The following DNAJC21 variants were observed in gnomAD, a reference collection of about 807,000 sequenced individuals.
The protein encoded by DNAJC21 is DnaJ heat shock protein family (Hsp40) member C21, also known as dnaJ homolog subfamily C member 21.
A neutral mutation model predicts 72.4 loss-of-function variants in DNAJC21; 63 were observed. The ratio of observed to expected loss-of-function variants is 0.87; its 90% confidence interval spans 0.71 to 1.07. The LOEUF is 1.07. DNAJC21 is among the 50% of genes least tolerant of loss of function. The pLI is 0.00. For synonymous variants in DNAJC21, 203 were observed against 216.7 expected (o/e 0.94, Z 0.56); for missense variants, 634 against 644.8 (o/e 0.98, Z 0.18).
In DNAJC21 at chr5:34,929,560, T is replaced by C. The variant is rs923545099; in HGVS notation, c.-260T>C. ...CGGCACAGAGCCCACCCCTAGCCCA[T>C]GCGAAGCGGCGGCCGCCGGCACCGC... is the stretch of plus-strand genomic sequence containing the variant. On this transcript the variant is annotated 5_prime_UTR_variant, in exon 1 of 12. The change abolishes an upstream ATG in the 5' untranslated region. Transcript: ENST00000648817. The C allele has an allele frequency of 4.1e-5, 6 of 147,968 alleles. No homozygotes were observed. Among genetic ancestry groups the C allele is most frequent in the African/African-American group, 1.0e-4 (4 of 39,704 alleles). 9.2% of individuals were successfully genotyped at this position (147,968 alleles called of 1,614,324 possible). A position where few individuals can be genotyped will look rare whatever the true frequency, so the allele number is the denominator to read the frequency against.
intron 9 of DNAJC21, among the ~76,000 whole-genome samples, chr5:34,948,602 C>T (rs541795860): frequency 1.1e-4 from 17 of 152,338 alleles, no homozygotes; most frequent in South Asian, 8.3e-4. Context: ...TGCGGTGGCT[C>T]ACGCCTGTAA....
chr5:34,930,243 T>A (rs1580519117), intron 1 of DNAJC21: 1 of 181,552 alleles, frequency 5.5e-6, no homozygotes, highest in Non-Finnish European at 1.1e-5. Context: ...AGTCGGGAAC[T>A]CGGAACTCAG....
At chr5:34,936,362 A>G in intron 4 of DNAJC21, 96 bp downstream of exon 4, 1 of 1,427,718 alleles carries the variant, frequency 7.0e-7, no homozygotes, top group Non-Finnish European at 9.5e-7. Flanking sequence ...TCTGTCACCC[A>G]GGCTGCAGTG....
Position 34,938,919 on chromosome 5 carries a change from C to T in DNAJC21, c.805C>T (p.Gln269Ter). The T allele has an allele frequency of 1.2e-6, 2 of 1,614,056 alleles. No homozygotes were observed. Among genetic ancestry groups the T allele is most frequent in the Non-Finnish European group, 1.7e-6 (2 of 1,180,020 alleles). ...TATGGCCAATTTGGAGAAAGAGCTCCAGGAGATGGAGGCACGGTACGAGAA... is the reference window on the plus strand; with the variant it reads ...TATGGCCAATTTGGAGAAAGAGCTCTAGGAGATGGAGGCACGGTACGAGAA... ...MTMANLEKEL[Q>*]EMEARYEKEF... Residue 269 changes from glutamine to a stop codon, truncating the protein, a stop_gained, in exon 6 of 12, where the codon CAG (glutamine) becomes TAG (stop). Coordinates refer to ENST00000648817, the MANE Select transcript of DNAJC21 (RefSeq NM_001012339.3). LOFTEE classifies it high-confidence loss of function.
intron 2 of DNAJC21, 22 bp downstream of exon 2, chr5:34,933,930 C>G: frequency 6.2e-7 from 1 of 1,603,892 alleles, no homozygotes; most frequent in African/African-American, 1.3e-5. Flanking sequence ...GCTGTCCTTC[C>G]CATCCTAGTT....
intron 2 of DNAJC21, among the ~76,000 whole-genome samples, chr5:34,935,248 T>A (rs1764730831): frequency 1.3e-5 from 2 of 152,220 alleles, no homozygotes; most frequent in African/African-American, 4.8e-5. Flanking sequence ...TAACTGCCTT[T>A]ACAGAGTTAT....
At chr5:34,951,488 C>A in intron 10 of DNAJC21, 1 of 985,380 alleles carries the variant, frequency 1.0e-6, no homozygotes, top group Non-Finnish European at 1.2e-6. Context: ...GCCCCTGAAC[C>A]CCTTTTTCAT....
intron 6 of DNAJC21, 152 bp downstream of exon 6, chr5:34,939,161 T>A: frequency 1.4e-6 from 1 of 697,518 alleles, no homozygotes; most frequent in Non-Finnish European, 2.3e-6. Flanking sequence ...CTAGTCTAAT[T>A]CAAGTAATTT....
At chr5:34,930,105 G>A in intron 1 of DNAJC21, 189 bp downstream of exon 1, 4 of 414,960 alleles carry the variant, frequency 9.6e-6, no homozygotes, top group Non-Finnish European at 1.8e-5. Context: ...CTGCCCTGGC[G>A]CACCCCGGCT....
chr5:34,939,638 A>G (rs1764919994), intron 6 of DNAJC21, among the ~76,000 whole-genome samples: 1 of 152,200 alleles, frequency 6.6e-6, no homozygotes, highest in Admixed American at 6.5e-5. Context: ...AGAAAAGCTG[A>G]TATTGCATGA....
chr5:34,936,135 G>A lies in DNAJC21; in HGVS notation c.316-9G>A. On this transcript the variant is annotated splice_polypyrimidine_tract_variant and intron_variant, in intron 3 of 11. Transcript: ENST00000648817. ...GTATTAAGAATTTGTTTTTGTTACT[G>A]TTTTTTAGGGATTTTACACGGTGTA... The A allele has an allele frequency of 6.2e-7, 1 of 1,602,042 alleles. No individual in the cohort carries two copies. Among genetic ancestry groups the A allele is most frequent in the Non-Finnish European group, 8.5e-7 (1 of 1,176,684 alleles).
At chr5:34,952,117 T>A (rs1400345627) in intron 10 of DNAJC21, 5 of 968,694 alleles carry the variant, frequency 5.2e-6, no homozygotes, top group Admixed American at 6.9e-5. Flanking sequence ...AGTGTTTTTT[T>A]AAAAAATGTG....
chr5:34,949,510 G>C, intron 9 of DNAJC21: 2 of 1,551,608 alleles, frequency 1.3e-6, no homozygotes, highest in Non-Finnish European at 1.7e-6. Context: ...TCTTGAGTGT[G>C]AGTATTGTGC....
At chr5:34,934,155 A>T (rs558984613) in intron 2 of DNAJC21, among the ~76,000 whole-genome samples, 2 of 152,276 alleles carry the variant, frequency 1.3e-5, no homozygotes, top group South Asian at 4.1e-4. Flanking sequence ...TAATTTTGAT[A>T]CTTTAGGTGA....
intron 9 of DNAJC21, among the ~76,000 whole-genome samples, chr5:34,946,645 T>G (rs1407026358): frequency 6.6e-6 from 1 of 152,162 alleles, no homozygotes; most frequent in Non-Finnish European, 1.5e-5. Context: ...GCTTCAGTTA[T>G]AAAACCGCAT....
chr5:34,930,110 C>A (rs1015983337), intron 1 of DNAJC21, 194 bp downstream of exon 1: 7 of 410,868 alleles, frequency 1.7e-5, no homozygotes, highest in Non-Finnish European at 3.2e-5. Flanking sequence ...CTGGCGCACC[C>A]CGGCTCACAC....
intron 8 of DNAJC21, 107 bp downstream of exon 8, chr5:34,945,132 C>T: frequency 7.4e-7 from 1 of 1,343,600 alleles, no homozygotes; most frequent in African/African-American, 1.5e-5. Context: ...GGCTGGGGTG[C>T]AGTGGCGCAG....
chr5:34,931,320 T>TA (rs1185678964), intron 1 of DNAJC21, among the ~76,000 whole-genome samples: 1 of 152,212 alleles, frequency 6.6e-6, no homozygotes, highest in African/African-American at 2.4e-5. Context: ...AGTCAGAAGA[T>TA]ACAGCCAAAA....
intron 7 of DNAJC21, among the ~76,000 whole-genome samples, chr5:34,943,160 A>G (rs1417446613): frequency 1.3e-5 from 2 of 152,316 alleles, no homozygotes. Flanking sequence ...TGGTATTTTT[A>G]TCTAATTTAC....
Sources: allele counts gnomAD v4.1 joint callset (sites outside exome capture counted in the v4.1 genomes callset), GRCh38; gene constraint gnomAD v4.1.1; transcripts MANE v1.5; gene names NCBI Gene and HGNC (gene_info 2026-07-23, HGNC 2026-07-21).